Variants in NCOA3 observed in about 807,000 individuals in gnomAD.
The protein encoded by NCOA3 is CBP-interacting protein.
A neutral mutation model predicts 158.8 loss-of-function variants in NCOA3; 51 were observed. That is an observed-to-expected ratio of 0.32 (90% CI 0.26 to 0.41). The LOEUF is 0.41. Among genes scored for constraint, NCOA3 ranks in the 10% least tolerant of loss-of-function variants. The pLI, the probability that NCOA3 is intolerant of heterozygous loss-of-function variation, is 1.00. For missense variants in NCOA3, 1,510 were observed against 1,746.6 expected (o/e 0.86, Z 2.41); for synonymous variants, 537 against 592.4 (o/e 0.91, Z 1.36).
intron 1 of NCOA3, among the ~76,000 whole-genome samples, chr20:47,570,982 A>ATGTGTGTGTG (rs1224807146): frequency 2.5e-5 from 2 of 80,502 alleles, no homozygotes; most frequent in African/African-American, 4.8e-5. Flanking sequence ...GTATATACAT[A>ATGTGTGTGTG]TATGTGTGTG....
At chr20:47,534,303 G>T (rs2084598877) in intron 1 of NCOA3, among the ~76,000 whole-genome samples, 1 of 150,352 alleles carries the variant, frequency 6.7e-6, no homozygotes, top group South Asian at 2.1e-4. Flanking sequence ...GCTCTATAGA[G>T]AAACCAAAGC....
At chr20:47,538,205 G>T (rs2084665968) in intron 1 of NCOA3, among the ~76,000 whole-genome samples, 1 of 152,088 alleles carries the variant, frequency 6.6e-6, no homozygotes, top group African/African-American at 2.4e-5. Flanking sequence ...CTCTAACTTT[G>T]GGGGAAAAAA....
intron 2 of NCOA3, among the ~76,000 whole-genome samples, chr20:47,595,156 C>T (rs34218603): frequency 0.1 from 15,175 of 147,362 alleles, 857 homozygotes; most frequent in Non-Finnish European, 0.12. Flanking sequence ...TGGAGTGCAG[C>T]GGCGCCATCT....
At chr20:47,581,622 G>C (rs116290589) in intron 1 of NCOA3, among the ~76,000 whole-genome samples, 1 of 152,130 alleles carries the variant, frequency 6.6e-6, no homozygotes, top group Non-Finnish European at 1.5e-5. Context: ...ACTTTAGGGC[G>C]TAATTATGGT....
At chr20:47,507,832 T>C (rs912687212) in intron 1 of NCOA3, among the ~76,000 whole-genome samples, 1 of 152,174 alleles carries the variant, frequency 6.6e-6, no homozygotes, top group Non-Finnish European at 1.5e-5. Flanking sequence ...TGGGTCAGGC[T>C]GGTCTCGAAT....
chr20:47,571,379 G>A (rs74874683), intron 1 of NCOA3, among the ~76,000 whole-genome samples: 43,992 of 148,772 alleles, frequency 0.3, 7,081 homozygotes, highest in East Asian at 0.59. Context: ...GTGCAGTTGC[G>A]TGATCTTGGC....
At chr20:47,547,566 C>G (rs2084852977) in intron 1 of NCOA3, among the ~76,000 whole-genome samples, 1 of 151,932 alleles carries the variant, frequency 6.6e-6, no homozygotes, top group Non-Finnish European at 1.5e-5. Context: ...GCGCCCATCA[C>G]CATGCCCGAC....
At chr20:47,560,701 G>A (rs1052245336) in intron 1 of NCOA3, among the ~76,000 whole-genome samples, 1 of 152,076 alleles carries the variant, frequency 6.6e-6, no homozygotes, top group Non-Finnish European at 1.5e-5. Context: ...TCAGTGAGGT[G>A]TCTTTAGTCC....
chr20:47,545,543 A>G (rs941557893), intron 1 of NCOA3, among the ~76,000 whole-genome samples: 4 of 151,520 alleles, frequency 2.6e-5, no homozygotes, highest in Non-Finnish European at 4.4e-5. Context: ...AGTCTTTTCA[A>G]TATGTATTAA....
intron 1 of NCOA3, among the ~76,000 whole-genome samples, chr20:47,536,387 A>G (rs1030980106): frequency 6.6e-6 from 1 of 152,118 alleles, no homozygotes; most frequent in African/African-American, 2.4e-5. Flanking sequence ...TGAGCCCCCT[A>G]TCCGGCCAGT....
intron 1 of NCOA3, among the ~76,000 whole-genome samples, chr20:47,561,512 T>C (rs1469327166): frequency 3.3e-5 from 5 of 151,660 alleles, no homozygotes; most frequent in African/African-American, 1.2e-4. Context: ...AGAGACAGGA[T>C]CTTGCTATGT....
At chr20:47,502,061 T>C (rs1325249079) in intron 1 of NCOA3, 42 bp downstream of exon 1, 113 of 395,604 alleles carry the variant, frequency 2.9e-4, no homozygotes, top group Non-Finnish European at 6.7e-5. Context: ...GGCGAGGGGG[T>C]GGAGTGCGAG....
intron 2 of NCOA3, among the ~76,000 whole-genome samples, chr20:47,610,072 G>C (rs771892555): frequency 6.6e-6 from 1 of 152,050 alleles, no homozygotes; most frequent in African/African-American, 2.4e-5. Context: ...AGCAAATAAT[G>C]TTGAAAGCTT....
chr20:47,546,578 C>G (rs1189967047), intron 1 of NCOA3, among the ~76,000 whole-genome samples: 2 of 144,376 alleles, frequency 1.4e-5, no homozygotes, highest in Non-Finnish European at 3.0e-5. Flanking sequence ...GTTGCCTAGG[C>G]TGAAGTGCAG....
chr20:47,621,341 T>G (rs1282296101), intron 2 of NCOA3, among the ~76,000 whole-genome samples: 1 of 152,176 alleles, frequency 6.6e-6, no homozygotes. Context: ...AAATCTGTCT[T>G]CCTTCCTGGT....
chr20:47,614,691 C>T (rs1255981075), intron 2 of NCOA3, among the ~76,000 whole-genome samples: 2 of 152,078 alleles, frequency 1.3e-5, no homozygotes, highest in African/African-American at 2.4e-5. Context: ...ATGTCGATCT[C>T]AAATTTTCCT....
In NCOA3 at chr20:47,583,234, C is replaced by G; in HGVS notation, c.-47C>G. 1 of 398,622 alleles carries G rather than the reference C, an allele frequency of 2.5e-6. No homozygotes were observed. The highest frequency in any genetic ancestry group is 3.6e-5 in the East Asian group (1 of 28,084). 24.7% of individuals were successfully genotyped at this position (398,622 alleles called of 1,614,324 possible). ...CTCAGAGACCAATAAAAATAAACTGCTTGAACATCCTTTGACTGGTTAGCC... is the reference window on the plus strand; with the variant it reads ...CTCAGAGACCAATAAAAATAAACTGGTTGAACATCCTTTGACTGGTTAGCC... On this transcript the variant is annotated 5_prime_UTR_variant, in exon 2 of 23. Transcript: ENST00000371998.
At chr20:47,571,987 C>T (rs890717894) in intron 1 of NCOA3, among the ~76,000 whole-genome samples, 1 of 152,168 alleles carries the variant, frequency 6.6e-6, no homozygotes, top group Non-Finnish European at 1.5e-5. Context: ...CTTGGCCTCC[C>T]AAAGTGTTGG....
chr20:47,647,750 C>T (rs909705914), intron 18 of NCOA3, among the ~76,000 whole-genome samples: 18 of 151,996 alleles, frequency 1.2e-4, no homozygotes, highest in Non-Finnish European at 2.2e-4. Flanking sequence ...TTTTATAAAA[C>T]TAGAGTTGTC....
Sources: allele counts gnomAD v4.1 joint callset (sites outside exome capture counted in the v4.1 genomes callset), GRCh38; gene constraint gnomAD v4.1.1; transcripts MANE v1.5; gene names NCBI Gene and HGNC (gene_info 2026-07-23, HGNC 2026-07-21).